The following LRP4 variants were observed in gnomAD, a reference collection of about 807,000 sequenced individuals.
LRP4 encodes the protein low-density lipoprotein receptor-related protein 4.
Under a neutral mutation model 220.3 loss-of-function variants are expected in LRP4, and 95 were observed. That is an observed-to-expected ratio of 0.43 (90% CI 0.37 to 0.51). The LOEUF (loss-of-function observed/expected upper bound fraction) is 0.51. Ranked by LOEUF, LRP4 falls within the 20% of genes least tolerant of loss-of-function variation. The pLI is 0.00. For missense variants in LRP4, 1,925 were observed against 2,567.0 expected (o/e 0.75, Z 5.40); for synonymous variants, 903 against 954.6 (o/e 0.95, Z 1.00).
At chr11:46,895,560 G>A (rs149893041) in intron 10 of LRP4, among the ~76,000 whole-genome samples, 3 of 152,214 alleles carry the variant, frequency 2.0e-5, no homozygotes, top group East Asian at 3.9e-4. Context: ...CAGCCTGGGC[G>A]ACAGAGCGAG....
intron 31 of LRP4, among the ~76,000 whole-genome samples, chr11:46,870,622 C>T (rs541212517): frequency 2.0e-5 from 3 of 152,134 alleles, no homozygotes; most frequent in Non-Finnish European, 2.9e-5. Context: ...GATAGGGTCT[C>T]GCCATGTTGC....
intron 30 of LRP4, among the ~76,000 whole-genome samples, chr11:46,872,012 C>T (rs534852866): frequency 6.6e-6 from 1 of 152,280 alleles, no homozygotes; most frequent in African/African-American, 2.4e-5. Context: ...AATCCCAGCA[C>T]TTTGGGAGGC....
chr11:46,884,519 G>T (rs1165205047), intron 18 of LRP4, among the ~76,000 whole-genome samples: 2 of 151,940 alleles, frequency 1.3e-5, no homozygotes, highest in Non-Finnish European at 2.9e-5. Flanking sequence ...GGTGGATCAC[G>T]AGATTAGGAG....
chr11:46,904,506 C>T (rs146516351), intron 1 of LRP4, among the ~76,000 whole-genome samples: 35 of 47,472 alleles, frequency 7.4e-4, no homozygotes, highest in Non-Finnish European at 1.3e-3. Context: ...GATGGACGGA[C>T]AGACGGATGG....
intron 1 of LRP4, among the ~76,000 whole-genome samples, chr11:46,911,177 T>C (rs1281465540): frequency 6.6e-6 from 1 of 152,210 alleles, no homozygotes; most frequent in Non-Finnish European, 1.5e-5. Flanking sequence ...ACAGCTGTTA[T>C]TGTTTTTCTT....
chr11:46,892,023 C>T (rs1227705898), intron 13 of LRP4, among the ~76,000 whole-genome samples: 2 of 151,964 alleles, frequency 1.3e-5, no homozygotes, highest in Non-Finnish European at 2.9e-5. Flanking sequence ...CTCGACCTCC[C>T]AGTCTCAAGC....
chr11:46,905,709 G>A (rs1017665869), intron 1 of LRP4, among the ~76,000 whole-genome samples: 4 of 152,102 alleles, frequency 2.6e-5, no homozygotes, highest in African/African-American at 9.6e-5. Context: ...AAAATGAGCC[G>A]GGTATGGTGG....
In LRP4 at chr11:46,899,330, T is replaced by C. The variant is rs200402179; in HGVS notation, c.547+57A>G. ...ACTCCTCAGCCTCGCCCTTAGCCAA[T>C]GGGCAGAACTGTCTGCCCTCATCCA... On this transcript the variant is annotated intron_variant, in intron 5 of 37. Coordinates refer to ENST00000378623, the MANE Select transcript of LRP4 (RefSeq NM_002334.4). This position sits in a 1 kb window ranked among gnomAD's most constrained non-coding sequence, Gnocchi z 5.9. 1.9e-4 allele frequency: 262 copies of C among 1,354,110 alleles called. No individual in the cohort carries two copies. The highest frequency in any genetic ancestry group is 2.4e-4 in the Non-Finnish European group (225 of 943,704). 83.9% of individuals were successfully genotyped at this position (1,354,110 alleles called of 1,614,324 possible). A position where few individuals can be genotyped will look rare whatever the true frequency, so the allele number is the denominator to read the frequency against.
At chr11:46,868,912 G>T in intron 32 of LRP4, 76 bp downstream of exon 32, 2 of 1,587,862 alleles carry the variant, frequency 1.3e-6, no homozygotes, top group South Asian at 2.2e-5. Flanking sequence ...TAACTGTCTT[G>T]GTCCCTAACA....
intron 37 of LRP4, chr11:46,861,017 A>T (rs1384120879): frequency 1.5e-5 from 14 of 925,180 alleles, no homozygotes; most frequent in Non-Finnish European, 1.8e-5. Context: ...CAACAGAAGA[A>T]AGAGGTCACA....
intron 33 of LRP4, 76 bp downstream of exon 33, chr11:46,868,524 C>T (rs139868995): frequency 3.9e-6 from 4 of 1,014,222 alleles, no homozygotes; most frequent in Non-Finnish European, 4.7e-6. Flanking sequence ...ACAGATCAGA[C>T]CAGTATCAGA....
intron 18 of LRP4, among the ~76,000 whole-genome samples, chr11:46,884,714 G>GCA (rs1941244017): frequency 1.4e-5 from 2 of 147,976 alleles, no homozygotes; most frequent in South Asian, 2.2e-4. Flanking sequence ...TCCAGCCTGG[G>GCA]GGACAGAGTG....
At chr11:46,882,006 T>A in intron 19 of LRP4, 103 bp from the exon 20 acceptor site, 1 of 1,048,836 alleles carries the variant, frequency 9.5e-7, no homozygotes, top group East Asian at 2.6e-5. Context: ...CAGATCCTCA[T>A]CAGCCTCAGC....
Position 46,874,871 on chromosome 11 carries a change from A to G in LRP4, c.4158T>C (p.Asn1386=), listed in dbSNP as rs1940966543. ...CGCTGTCATAGTCCAGGGAGATGAC[A>G]TTGTTGAGCTCAGGAACAGGGACAT... is the stretch of plus-strand genomic sequence containing the variant. ...DVHVPVPELN[N]VISLDYDSVD... The change falls in exon 28 of 38, where the codon AAT becomes AAC. Residue 1386 remains asparagine (N), a synonymous_variant. Transcript: ENST00000378623. 4 of 1,614,166 alleles carry G rather than the reference A, an allele frequency of 2.5e-6. No homozygotes were observed. In the East Asian group the frequency reaches 8.9e-5, roughly 36 times the overall value.
rs755862754 is a variant in LRP4 at position 46,893,072 on chromosome 11, G to A, written c.1598C>T (p.Ser533Leu). Residue 533 changes from serine to leucine, a missense_variant, in exon 13 of 38, where the codon TCG (serine) becomes TTG (leucine). Coordinates refer to ENST00000378623, the MANE Select transcript of LRP4 (RefSeq NM_002334.4). ...DKLYWTDSGTSRIEVANLDGA... is the reference protein window; with the variant it reads ...DKLYWTDSGTLRIEVANLDGA... Reference sequence around the variant, plus strand: ...ATCCAGATTGGCCACCTCAATCCTCGAGGTGCCTGAGTCGGTCCAGTAGAG... The same window carrying A: ...ATCCAGATTGGCCACCTCAATCCTCAAGGTGCCTGAGTCGGTCCAGTAGAG... The A allele has an allele frequency of 3.7e-6, 6 of 1,614,150 alleles. No homozygotes were observed. Among genetic ancestry groups the A allele is most frequent in the East Asian group, 4.5e-5 (2 of 44,880 alleles).
At chr11:46,877,111 C>T (rs911490952) in intron 23 of LRP4, 88 bp downstream of exon 23, 5 of 1,474,074 alleles carry the variant, frequency 3.4e-6, no homozygotes, top group Non-Finnish European at 4.7e-6. Flanking sequence ...TGGCTCTTGG[C>T]AGGAGACAAA....
intron 33 of LRP4, 105 bp downstream of exon 33, chr11:46,868,495 G>T: frequency 1.1e-6 from 1 of 877,282 alleles, no homozygotes. Context: ...CCTTCTTTAT[G>T]GGGATCCCAC....
chr11:46,905,757 C>T (rs1370824768), intron 1 of LRP4, among the ~76,000 whole-genome samples: 16 of 150,736 alleles, frequency 1.1e-4, no homozygotes, highest in African/African-American at 3.9e-4. Context: ...GAGGCTGAGG[C>T]AGGAGAATTG....
chr11:46,871,379 A>G, intron 31 of LRP4, 146 bp downstream of exon 31: 2 of 715,788 alleles, frequency 2.8e-6, no homozygotes, highest in South Asian at 3.0e-5. Context: ...CCAACCTACC[A>G]AGGCTTCAGG....
Sources: gnomAD v4.1 joint callset for allele counts (sites outside exome capture counted in the v4.1 genomes callset) on GRCh38, gnomAD v4.1.1 for gene constraint, Gnocchi (gnomAD v3.1) non-coding constraint, MANE v1.5 for transcripts, NCBI Gene and HGNC (gene_info 2026-07-23, HGNC 2026-07-21) for gene names.